VWA3B: variants seen among roughly 807,000 people sequenced by gnomAD.
VWA3B encodes the protein von Willebrand factor A domain-containing protein 3B.
VWA3B carries 138 observed loss-of-function variants against 158.3 expected under a neutral mutation model. The observed-to-expected ratio is 0.87, with a 90% CI of 0.76 to 1.00. VWA3B has a LOEUF of 1.00. Among genes scored for constraint, VWA3B ranks in the 50% least tolerant of loss-of-function variants. The probability of loss-of-function intolerance (pLI) is 0.00; values close to 1 mark genes in which losing one functional copy is unlikely to be tolerated. For synonymous variants in VWA3B, 596 were observed against 587.3 expected (o/e 1.01, Z -0.21); for missense variants, 1,555 against 1,565.1 (o/e 0.99, Z 0.11).
intron 7 of VWA3B, among the ~76,000 whole-genome samples, chr2:98,141,122 A>G (rs1362104028): frequency 1.3e-5 from 2 of 152,172 alleles, no homozygotes; most frequent in South Asian, 2.1e-4. Flanking sequence ...GACACTTTTC[A>G]TCTGCTCTGG....
intron 3 of VWA3B, among the ~76,000 whole-genome samples, chr2:98,117,759 T>C (rs977761898): frequency 1.3e-5 from 2 of 150,578 alleles, no homozygotes; most frequent in Non-Finnish European, 3.0e-5. Flanking sequence ...TTTTTTTTTT[T>C]TTTTTTTTTT....
intron 2 of VWA3B, among the ~76,000 whole-genome samples, chr2:98,100,900 A>G (rs1683032582): frequency 6.6e-6 from 1 of 151,982 alleles, no homozygotes; most frequent in African/African-American, 2.4e-5. Context: ...AGCTCTTGTG[A>G]AGGTATTTTT....
chr2:98,219,440 C>T (rs1488149213), intron 14 of VWA3B, among the ~76,000 whole-genome samples: 1 of 151,894 alleles, frequency 6.6e-6, no homozygotes, highest in Non-Finnish European at 1.5e-5. Flanking sequence ...AAAACAAAAA[C>T]AAAAACAAAG....
intron 7 of VWA3B, among the ~76,000 whole-genome samples, chr2:98,141,676 T>C (rs1676789069): frequency 6.6e-6 from 1 of 152,192 alleles, no homozygotes; most frequent in Admixed American, 6.5e-5. Context: ...GGGAAACTCA[T>C]CTTTTAAGCA....
At chr2:98,109,140 A>G (rs930651886) in intron 2 of VWA3B, among the ~76,000 whole-genome samples, 2 of 151,856 alleles carry the variant, frequency 1.3e-5, no homozygotes, top group African/African-American at 4.8e-5. Flanking sequence ...TTATAGGCAT[A>G]CACCACCATG....
At chr2:98,167,657 CCAGACA>C (rs1326503266) in intron 8 of VWA3B, among the ~76,000 whole-genome samples, 6 of 152,166 alleles carry the variant, frequency 3.9e-5, no homozygotes, top group African/African-American at 1.4e-4. Flanking sequence ...AGAGAGAAGT[CCAGACA>C]TCTGCAAAGG....
chr2:98,141,898 C>T (rs1573889049), intron 7 of VWA3B, among the ~76,000 whole-genome samples: 1 of 152,198 alleles, frequency 6.6e-6, no homozygotes, highest in Non-Finnish European at 1.5e-5. Flanking sequence ...GTGTAGGTGA[C>T]ACTGCCTGAG....
At chr2:98,177,447 G>T (rs747210113) in intron 8 of VWA3B, among the ~76,000 whole-genome samples, 8 of 152,106 alleles carry the variant, frequency 5.3e-5, no homozygotes, top group Non-Finnish European at 1.2e-4. Flanking sequence ...GAAAAGGAAA[G>T]GACCCCTTAG....
At chr2:98,162,523 C>T (rs906585006) in intron 7 of VWA3B, among the ~76,000 whole-genome samples, 3 of 152,142 alleles carry the variant, frequency 2.0e-5, no homozygotes, top group African/African-American at 7.2e-5. Flanking sequence ...AGCGGTGACC[C>T]TGGCTTGTGT....
At chr2:98,104,493 G>A (rs563601627) in intron 2 of VWA3B, among the ~76,000 whole-genome samples, 16 of 152,264 alleles carry the variant, frequency 1.1e-4, no homozygotes, top group South Asian at 2.1e-4. Flanking sequence ...TCATTCCCAC[G>A]AGAATGTCAC....
chr2:98,266,850 C>G (rs1165403621), intron 21 of VWA3B, among the ~76,000 whole-genome samples: 1 of 147,696 alleles, frequency 6.8e-6, no homozygotes, highest in Non-Finnish European at 1.5e-5. Context: ...CTCTGTTTGT[C>G]TGTTATTGGT....
chr2:98,208,612 T>A (rs1168104134), intron 12 of VWA3B, among the ~76,000 whole-genome samples: 1 of 152,226 alleles, frequency 6.6e-6, no homozygotes, highest in East Asian at 1.9e-4. Context: ...TATCACAGCC[T>A]ATTGGTGGTT....
At chr2:98,150,857 A>G (rs1677567734) in intron 7 of VWA3B, among the ~76,000 whole-genome samples, 2 of 152,192 alleles carry the variant, frequency 1.3e-5, no homozygotes, top group Admixed American at 1.3e-4. Flanking sequence ...AAGGACTGAC[A>G]TATATCCTCC....
intron 7 of VWA3B, among the ~76,000 whole-genome samples, chr2:98,157,105 C>T (rs1188270039): frequency 6.6e-6 from 1 of 152,114 alleles, no homozygotes; most frequent in Non-Finnish European, 1.5e-5. Flanking sequence ...TATAGTGTGC[C>T]ATTTAGAAGA....
chr2:98,194,418 G>T lies in VWA3B; in HGVS notation c.1663G>T (p.Ala555Ser), dbSNP rs1681857809. The change falls in exon 12 of 28, where the codon GCT becomes TCT. Residue 555 changes from alanine to serine, a missense_variant. Ala to Ser is a moderately conservative substitution (Grantham distance 99). Coordinates refer to ENST00000477737, the MANE Select transcript of VWA3B (RefSeq NM_144992.5). ...NFVKFDGQAV[A>S]WREQLAEVNE... ...TGTGAAGTTTGATGGTCAAGCAGTT[G>T]CTTGGCGGGAACAACTTGCTGAAGT... The T allele has an allele frequency of 3.1e-6, 5 of 1,614,106 alleles. No homozygotes were observed. Among genetic ancestry groups the T allele is most frequent in the Non-Finnish European group, 4.2e-6 (5 of 1,179,972 alleles).
the VWA3B span, among the ~76,000 whole-genome samples, chr2:98,328,753 A>G: frequency 3.9e-5 from 6 of 152,192 alleles, no homozygotes; most frequent in Admixed American, 2.6e-4. Context: ...TAAGATGTCA[A>G]TTCTCCCCCA....
At chr2:98,163,538 A>G (rs6725988) in intron 8 of VWA3B, among the ~76,000 whole-genome samples, 18,807 of 151,964 alleles carry the variant, frequency 0.12, 2,194 homozygotes, top group African/African-American at 0.31. Flanking sequence ...CTCTGTCTCA[A>G]AAACAACAAC....
intron 8 of VWA3B, among the ~76,000 whole-genome samples, chr2:98,172,934 G>A (rs1679717705): frequency 6.6e-6 from 1 of 152,174 alleles, no homozygotes; most frequent in Non-Finnish European, 1.5e-5. Context: ...GACATATCAA[G>A]CAGGAACCCC....
chr2:98,300,880 T>C (rs1690135880), intron 25 of VWA3B, among the ~76,000 whole-genome samples: 1 of 152,010 alleles, frequency 6.6e-6, no homozygotes, highest in African/African-American at 2.4e-5. Context: ...ACTACCTGGT[T>C]CCCCATCTCC....
Sources: gnomAD v4.1 joint callset for allele counts (sites outside exome capture counted in the v4.1 genomes callset) on GRCh38, gnomAD v4.1.1 for gene constraint, MANE v1.5 for transcripts, NCBI Gene and HGNC (gene_info 2026-07-23, HGNC 2026-07-21) for gene names.